Variants in HRAS observed in about 807,000 individuals in gnomAD.
HRAS encodes GTPase HRas.
Under a neutral mutation model 19.8 loss-of-function variants are expected in HRAS, and 11 were observed. The observed-to-expected ratio is 0.55, with a 90% CI of 0.35 to 0.92. The LOEUF (loss-of-function observed/expected upper bound fraction) is 0.92. Among genes scored for constraint, HRAS ranks in the 40% least tolerant of loss-of-function variants. HRAS has a pLI of 0.01. For synonymous variants in HRAS, 149 were observed against 105.5 expected (o/e 1.41, Z -2.52); for missense variants, 204 against 255.9 (o/e 0.80, Z 1.38).
chr11:533,391 T>G (rs764138840), intron 4 of HRAS, 62 bp downstream of exon 4: 23 of 1,307,230 alleles, frequency 1.8e-5, no homozygotes, highest in Non-Finnish European at 2.5e-5. Flanking sequence ...TGAGTGCTGC[T>G]CCCTGGCTGG....
chr11:534,624 C>G, intron 1 of HRAS: 1 of 504,750 alleles, frequency 2.0e-6, no homozygotes, highest in Admixed American at 3.3e-5. Flanking sequence ...GCAGGGCTGA[C>G]AGCTGAGCGC....
Position 532,716 on chromosome 11 carries a change from G to A in HRAS, c.490C>T (p.Arg164Trp), listed in dbSNP as rs779101895. 13 of 1,613,056 alleles carry A rather than the reference G, an allele frequency of 8.1e-6. No individual in the cohort carries two copies. Among genetic ancestry groups the A allele is most frequent in the African/African-American group, 4.0e-5 (3 of 74,928 alleles). Residue 164 changes from arginine to tryptophan, a missense_variant, in exon 5 of 6, where the codon CGG becomes TGG. Physicochemically the swap from Arg to Trp is moderately radical, Grantham distance 101 (BLOSUM62 -3). Coordinates refer to ENST00000311189, the MANE Select transcript of HRAS (RefSeq NM_005343.4). ...TTCAGCTTCCGCAGCTTGTGCTGCCGGATCTCACGCACCAACGTGTAGAAG... is the reference window on the plus strand; with the variant it reads ...TTCAGCTTCCGCAGCTTGTGCTGCCAGATCTCACGCACCAACGTGTAGAAG... The part of the protein sequence containing the change: ...DAFYTLVREI[R>W]QHKLRKLNPP...
intron 1 of HRAS, chr11:534,729 C>T (rs1026586522): frequency 6.3e-5 from 16 of 253,854 alleles, no homozygotes; most frequent in African/African-American, 3.4e-4. Flanking sequence ...CAGAACAGGT[C>T]TGGCCACGGC....
In HRAS at chr11:533,835, G is replaced by A. The variant is rs1291306227; in HGVS notation, c.221C>T (p.Thr74Ile). 1 of 1,613,264 alleles carries A rather than the reference G, an allele frequency of 6.2e-7. No homozygotes were observed. Among genetic ancestry groups the A allele is most frequent in the African/African-American group, 1.3e-5 (1 of 74,906 alleles). Residue 74 changes from threonine to isoleucine, a missense_variant, in exon 3 of 6, where the codon ACC (threonine) becomes ATC (isoleucine). This residue lies in a region of HRAS where 51 missense variants were observed against 79.0 expected (regional missense o/e 0.65). Coordinates refer to ENST00000311189, the MANE Select transcript of HRAS (RefSeq NM_005343.4). ...AAACACACACAGGAAGCCCTCCCCGGTGCGCATGTACTGGTCCCGCATGGC... is the reference window on the plus strand; with the variant it reads ...AAACACACACAGGAAGCCCTCCCCGATGCGCATGTACTGGTCCCGCATGGC... ...YSAMRDQYMRTGEGFLCVFAI... is the reference protein window; with the variant it reads ...YSAMRDQYMRIGEGFLCVFAI...
intron 1 of HRAS, 102 bp downstream of exon 1, chr11:535,310 GCCGC>G (rs1851416770): frequency 8.8e-6 from 1 of 114,028 alleles, no homozygotes; most frequent in African/African-American, 3.0e-5. Context: ...CGCCGCCGCC[GCCGC>G]TTACGCCCGC....
At chr11:533,310 G>A (rs1167790755) in intron 4 of HRAS, 143 bp downstream of exon 4, 1 of 1,602,040 alleles carries the variant, frequency 6.2e-7, no homozygotes, top group East Asian at 2.2e-5. Flanking sequence ...ATGGGTCCCG[G>A]GGGGTCCCAG....
chr11:533,303 G>A, intron 4 of HRAS, 150 bp downstream of exon 4: 1 of 1,600,408 alleles, frequency 6.2e-7, no homozygotes, highest in Non-Finnish European at 8.5e-7. Flanking sequence ...GGGTCACATG[G>A]GTCCCGGGGG....
chr11:533,431 G>C, intron 4 of HRAS, 22 bp downstream of exon 4: 4 of 1,611,922 alleles, frequency 2.5e-6, no homozygotes, highest in Non-Finnish European at 3.4e-6. Context: ...CTGGCTAGCT[G>C]TGGGGTGGAG....
At chr11:532,794 T>G in intron 4 of HRAS, 39 bp from the exon 5 acceptor site, 1 of 1,603,004 alleles carries the variant, frequency 6.2e-7, no homozygotes, top group Non-Finnish European at 8.5e-7. Flanking sequence ...GACCGGCCTG[T>G]GGCCGCCTGC....
intron 4 of HRAS, 165 bp downstream of exon 4, chr11:533,287 GC>G: frequency 6.3e-7 from 1 of 1,594,450 alleles, no homozygotes; most frequent in Non-Finnish European, 8.5e-7. Flanking sequence ...AGCGCGAGGG[GC>G]CGCTGGGTCA....
intron 5 of HRAS, 31 bp from the exon 6 acceptor site, chr11:532,553 G>C (rs1053388693): frequency 1.4e-4 from 212 of 1,556,250 alleles, no homozygotes; most frequent in Non-Finnish European, 1.8e-4. Flanking sequence ...GCTGCTGACC[G>C]CAGGCCAGGA....
At position 535,289 on chromosome 11, in the gene HRAS, CCCGCCGCCG is replaced by C. The variant is rs113931482; in HGVS notation, c.-54+118_-54+126del. Reference sequence around the variant, plus strand: ...CGCGGGCCCCGCCCGGCCCCACCCACCCGCCGCCGCCGCCGCCGCCGCCGCTTACGCCCG... The same window carrying C: ...CGCGGGCCCCGCCCGGCCCCACCCACCCGCCGCCGCCGCCGCTTACGCCCG... On this transcript the variant is annotated intron_variant, in intron 1 of 5. Transcript: ENST00000311189. 448 of 141,286 alleles carry C rather than the reference CCCGCCGCCG, an allele frequency of 3.2e-3. 4 individuals are homozygous for C. The East Asian group carries it at 0.036, about 11-fold the overall frequency. 8.8% of individuals were successfully genotyped at this position (141,286 alleles called of 1,614,324 possible).
intron 1 of HRAS, chr11:534,644 C>G (rs1851344078): frequency 6.6e-6 from 3 of 454,526 alleles, no homozygotes; most frequent in African/African-American, 2.0e-5. Flanking sequence ...CTCTCAACCA[C>G]GCACCCAAAT....
intron 3 of HRAS, 32 bp from the exon 4 acceptor site, chr11:533,644 G>A (rs1201757177): frequency 6.2e-7 from 1 of 1,613,306 alleles, no homozygotes; most frequent in Non-Finnish European, 8.5e-7. Flanking sequence ...CTGGCTACGG[G>A]GGCTGCAGGC....
chr11:532,455 C>G lies in HRAS; in HGVS notation c.*73G>C. 2.3e-6 allele frequency: 2 copies of G among 851,330 alleles called. No individual in the cohort carries two copies. Among genetic ancestry groups the G allele is most frequent in the East Asian group, 2.7e-5 (1 of 37,530 alleles). 52.7% of individuals were successfully genotyped at this position (851,330 alleles called of 1,614,324 possible). A position where few individuals can be genotyped will look rare whatever the true frequency, so the allele number is the denominator to read the frequency against. On this transcript the variant is annotated 3_prime_UTR_variant, in exon 6 of 6. Transcript: ENST00000311189. ...CCCTTCCTTCCTTCCTTGCTTCCGT[C>G]CTTCCTTCCTCCTCCTTCCGTCTGC...
intron 1 of HRAS, 128 bp downstream of exon 1, chr11:535,270 CCCCGCCCGGCCCCACCCA>C (rs1358321279): frequency 1.5e-5 from 2 of 134,836 alleles, no homozygotes; most frequent in South Asian, 1.9e-4. Flanking sequence ...TGCCCGCGGG[CCCCGCCCGGCCCCACCCA>C]CCCGCCGCCG....
rs1851152767 is a variant in HRAS at position 532,380 on chromosome 11, G to A, written c.*148C>T. 1 of 586,496 alleles carries A rather than the reference G, an allele frequency of 1.7e-6. No homozygotes were observed. The highest frequency in any genetic ancestry group is 3.0e-6 in the Non-Finnish European group (1 of 328,654). The allele number at this position is 586,496 out of a possible 1,614,324, so 36.3% of individuals were successfully genotyped here. A position where few individuals can be genotyped will look rare whatever the true frequency, so the allele number is the denominator to read the frequency against. ...AGTCTGTGCACAGCCTCCCTGGGAGGGTCTGCAGTCACCTCGGCCCACGGT... is the reference window on the plus strand; with the variant it reads ...AGTCTGTGCACAGCCTCCCTGGGAGAGTCTGCAGTCACCTCGGCCCACGGT... On this transcript the variant is annotated 3_prime_UTR_variant, in exon 6 of 6. Coordinates refer to ENST00000311189, the MANE Select transcript of HRAS (RefSeq NM_005343.4).
chr11:533,736 G>C (rs781346394), intron 3 of HRAS, 30 bp downstream of exon 3: 1 of 1,612,634 alleles, frequency 6.2e-7, no homozygotes, highest in Non-Finnish European at 8.5e-7. Context: ...TGTGCGGCGT[G>C]GGCTCCCGGG....
rs2133990247 is a variant in HRAS, at chr11:533,813, C to G, written c.243G>C (p.Val81=). 6.2e-7 allele frequency: 1 copy of G among 1,613,402 alleles called. No individual in the cohort carries two copies. ...YMRTGEGFLC[V]FAINNTKSFE... ...AAGACTTGGTGTTGTTGATGGCAAA[C>G]ACACACAGGAAGCCCTCCCCGGTGC... Residue 81 remains valine, a synonymous_variant, in exon 3 of 6, where the codon GTG becomes GTC. Coordinates refer to ENST00000311189, the MANE Select transcript of HRAS (RefSeq NM_005343.4).
Sources: allele counts gnomAD v4.1 joint callset, GRCh38; gene constraint gnomAD v4.1.1; regional missense constraint gnomAD v4.1.1; transcripts MANE v1.5; gene names NCBI Gene and HGNC (gene_info 2026-07-23, HGNC 2026-07-21).